The following CNTN4 variants were observed in gnomAD, a reference collection of about 807,000 sequenced individuals.
CNTN4 encodes the protein contactin-4.
Under a neutral mutation model 122.5 loss-of-function variants are expected in CNTN4, and 77 were observed. That is an observed-to-expected ratio of 0.63 (90% CI 0.52 to 0.76). The LOEUF (loss-of-function observed/expected upper bound fraction) is 0.76. Among genes scored for constraint, CNTN4 ranks in the 30% least tolerant of loss-of-function variants. The pLI, the probability that CNTN4 is intolerant of heterozygous loss-of-function variation, is 0.00. For missense variants in CNTN4, 1,256 were observed against 1,259.1 expected (o/e 1.00, Z 0.04); for synonymous variants, 512 against 447.0 (o/e 1.15, Z -1.83).
At chr3:2,352,545 C>T (rs900549220) in intron 3 of CNTN4, among the ~76,000 whole-genome samples, 11 of 152,178 alleles carry the variant, frequency 7.2e-5, no homozygotes, top group African/African-American at 1.4e-4. Flanking sequence ...GGCCAACGGG[C>T]GGAGGGGATG....
intron 4 of CNTN4, among the ~76,000 whole-genome samples, chr3:2,597,937 T>C (rs947020463): frequency 1.3e-5 from 2 of 152,218 alleles, no homozygotes; most frequent in African/African-American, 4.8e-5. Context: ...GTTTTTCTTC[T>C]TATTTTTCCT....
At chr3:2,279,291 G>GA (rs1489892333) in intron 2 of CNTN4, among the ~76,000 whole-genome samples, 5 of 152,138 alleles carry the variant, frequency 3.3e-5, no homozygotes, top group African/African-American at 1.2e-4. Flanking sequence ...ACACACACTG[G>GA]AGAGATCCTA....
chr3:2,785,114 TACACAC>T (rs150765167), intron 6 of CNTN4, among the ~76,000 whole-genome samples: 10 of 138,930 alleles, frequency 7.2e-5, no homozygotes, highest in Admixed American at 5.4e-4. Context: ...TGTACATGCG[TACACAC>T]ACACACACAC....
chr3:2,605,844 T>G (rs919842725), intron 4 of CNTN4, among the ~76,000 whole-genome samples: 5 of 152,196 alleles, frequency 3.3e-5, no homozygotes, highest in Admixed American at 1.3e-4. Flanking sequence ...TGAATTCTAG[T>G]TAAAGAAGAC....
intron 3 of CNTN4, among the ~76,000 whole-genome samples, chr3:2,489,041 C>A (rs764051972): frequency 6.6e-6 from 1 of 152,106 alleles, no homozygotes; most frequent in African/African-American, 2.4e-5. Context: ...TGGCATCAAA[C>A]CTCTGTTTTT....
intron 4 of CNTN4, 149 bp downstream of exon 4, chr3:2,571,707 C>G: frequency 1.4e-6 from 1 of 694,754 alleles, no homozygotes; most frequent in Non-Finnish European, 2.6e-6. Context: ...TTGAATATAC[C>G]TTCCTGATGG....
rs558110142 is a variant in CNTN4, at chr3:2,728,982, C to A, written c.56-7233C>A. 2.6e-5 allele frequency among the ~76,000 whole-genome samples: 4 copies of A among 152,304 alleles called. No homozygotes were observed. The South Asian group carries it at 8.3e-4, about 32-fold the overall frequency. The stretch of plus-strand genomic sequence containing the variant: ...CTGCCATTAGGATTAAGGGCTTAAA[C>A]AAGTTTCAGGTGCAACACCTGGGAA... On this transcript the variant is annotated intron_variant, in intron 4 of 24. Coordinates refer to ENST00000418658, the MANE Select transcript of CNTN4 (RefSeq NM_175607.3).
intron 12 of CNTN4, among the ~76,000 whole-genome samples, chr3:2,905,264 G>A (rs1261533051): frequency 6.6e-6 from 1 of 152,314 alleles, no homozygotes; most frequent in Non-Finnish European, 1.5e-5. Context: ...TGTTTAAGCT[G>A]CTATAACAAA....
chr3:2,663,106 GAA>G (rs5846202), intron 4 of CNTN4, among the ~76,000 whole-genome samples: 17 of 148,614 alleles, frequency 1.1e-4, no homozygotes, highest in Non-Finnish European at 2.1e-4. Context: ...TGTCTCAGAA[GAA>G]AAAAAAAAGA....
At chr3:2,592,501 G>A (rs1354409624) in intron 4 of CNTN4, among the ~76,000 whole-genome samples, 3 of 152,168 alleles carry the variant, frequency 2.0e-5, no homozygotes, top group African/African-American at 7.2e-5. Flanking sequence ...GAATCATGGG[G>A]ATGGGTCTTT....
chr3:2,432,301 A>G (rs2048102762), intron 3 of CNTN4, among the ~76,000 whole-genome samples: 1 of 152,232 alleles, frequency 6.6e-6, no homozygotes, highest in Non-Finnish European at 1.5e-5. Flanking sequence ...AACGTTTTGT[A>G]TATGCTAGAT....
chr3:3,037,207 C>A lies in CNTN4; in HGVS notation c.1971C>A (p.Phe657Leu). Residue 657 changes from phenylalanine (F) to leucine (L), a missense_variant, in exon 18 of 25, where the codon TTC (phenylalanine) becomes TTA (leucine). Transcript: ENST00000418658. ...CAGAACTCATTGATGGGAAGACATTCACAGCGACCGTGGTGGGTTTGAACC... is the reference window on the plus strand; with the variant it reads ...CAGAACTCATTGATGGGAAGACATTAACAGCGACCGTGGTGGGTTTGAACC... The part of the protein sequence containing the change: ...TVPELIDGKT[F>L]TATVVGLNPW... 6.2e-7 allele frequency: 1 copy of A among 1,614,186 alleles called. No individual in the cohort carries two copies. The highest frequency in any genetic ancestry group is 1.1e-5 in the South Asian group (1 of 91,076).
At chr3:2,870,492 G>T (rs2093772103) in intron 8 of CNTN4, among the ~76,000 whole-genome samples, 1 of 152,162 alleles carries the variant, frequency 6.6e-6, no homozygotes, top group Non-Finnish European at 1.5e-5. Context: ...AAATCAAGAA[G>T]AGATTGCAAA....
chr3:2,539,947 A>G (rs546523930), intron 3 of CNTN4, among the ~76,000 whole-genome samples: 5 of 152,090 alleles, frequency 3.3e-5, no homozygotes, highest in South Asian at 2.1e-4. Context: ...AGTTATTCCA[A>G]TTTTTTTCCA....
intron 3 of CNTN4, among the ~76,000 whole-genome samples, chr3:2,499,936 A>G (rs2148993588): frequency 6.6e-6 from 1 of 152,202 alleles, no homozygotes; most frequent in Non-Finnish European, 1.5e-5. Flanking sequence ...TTCAATATGC[A>G]GATCCCATGC....
intron 2 of CNTN4, among the ~76,000 whole-genome samples, chr3:2,286,208 CGT>C (rs372804004): frequency 9.8e-5 from 14 of 143,088 alleles, no homozygotes; most frequent in Non-Finnish European, 1.3e-4. Context: ...GATCTCCTGC[CGT>C]GTGTGTGTGT....
In CNTN4 at chr3:2,842,853, T is replaced by C. The variant is rs115562238; in HGVS notation, c.454+23272T>C. Among the ~76,000 whole-genome samples the C allele has an allele frequency of 4.6e-3, 703 of 152,210 alleles. 7 individuals are homozygous for C. Among genetic ancestry groups the C allele is most frequent in the African/African-American group, 0.016 (672 of 41,534 alleles). On this transcript the variant is annotated intron_variant, in intron 7 of 24. Coordinates refer to ENST00000418658, the MANE Select transcript of CNTN4 (RefSeq NM_175607.3). ...ATTTCCATTTTCTTTTTTTTTCCAT[T>C]TTTTTCTTTTCTGGCTTCTCATTTC...
chr3:2,572,393 T>TA (rs1208582018), intron 4 of CNTN4, among the ~76,000 whole-genome samples: 1 of 151,752 alleles, frequency 6.6e-6, no homozygotes, highest in Non-Finnish European at 1.5e-5. Flanking sequence ...CTCAAAAAAA[T>TA]AAAAAAAGAA....
chr3:2,509,894 A>G (rs1023359119), intron 3 of CNTN4, among the ~76,000 whole-genome samples: 1 of 152,208 alleles, frequency 6.6e-6, no homozygotes, highest in Non-Finnish European at 1.5e-5. Flanking sequence ...ACAAAATCCC[A>G]GAGCTCTTCT....
Sources: gnomAD v4.1 joint callset for allele counts (sites outside exome capture counted in the v4.1 genomes callset) on GRCh38, gnomAD v4.1.1 for gene constraint, MANE v1.5 for transcripts, NCBI Gene and HGNC (gene_info 2026-07-23, HGNC 2026-07-21) for gene names.